PRKCI: variants seen among roughly 807,000 people sequenced by gnomAD.
The protein encoded by PRKCI is protein kinase C iota.
Under a neutral mutation model 84.0 loss-of-function variants are expected in PRKCI, and 43 were observed. The ratio of observed to expected loss-of-function variants is 0.51; its 90% CI spans 0.40 to 0.66. The LOEUF (loss-of-function observed/expected upper bound fraction) is 0.66. Among genes scored for constraint, PRKCI ranks in the 30% least tolerant of loss-of-function variants. The pLI is 0.00. For synonymous variants in PRKCI, 216 were observed against 234.4 expected (o/e 0.92, Z 0.72); for missense variants, 459 against 745.6 (o/e 0.62, Z 4.48).
intron 2 of PRKCI, among the ~76,000 whole-genome samples, chr3:170,249,274 G>A (rs1018273145): frequency 3.9e-5 from 6 of 151,922 alleles, no homozygotes; most frequent in African/African-American, 1.5e-4. Context: ...TGCTTTCTGG[G>A]ACATCAAAAT....
At chr3:170,224,280 G>A (rs1352937740) in intron 1 of PRKCI, among the ~76,000 whole-genome samples, 2 of 151,974 alleles carry the variant, frequency 1.3e-5, no homozygotes, top group African/African-American at 4.8e-5. Context: ...AGTTATATTG[G>A]ACAGTATGAT....
chr3:170,277,655 G>C (rs1461847032), intron 8 of PRKCI, among the ~76,000 whole-genome samples: 2 of 149,190 alleles, frequency 1.3e-5, no homozygotes, highest in African/African-American at 5.0e-5. Flanking sequence ...GACTGTACCA[G>C]TGCACTCCAG....
chr3:170,281,400 A>G (rs1734240878), intron 10 of PRKCI, 137 bp downstream of exon 10: 5 of 646,458 alleles, frequency 7.7e-6, no homozygotes, highest in Non-Finnish European at 1.3e-5. Context: ...ACTTCCTGCT[A>G]ATAATACTGC....
chr3:170,271,375 C>T (rs1734001713), intron 6 of PRKCI, among the ~76,000 whole-genome samples: 1 of 152,078 alleles, frequency 6.6e-6, no homozygotes, highest in Non-Finnish European at 1.5e-5. Context: ...CAGTATGTAC[C>T]TCTAAAAGAG....
At position 170,222,629 on chromosome 3, in the gene PRKCI, C is replaced by A; in HGVS notation, c.-41C>A. Reference sequence around the variant, plus strand: ...CCCCACGGCGCCCGAAGCGCCCCCCCGCACCCCCGGCCTCCAGCGTTGAGG... The same window carrying A: ...CCCCACGGCGCCCGAAGCGCCCCCCAGCACCCCCGGCCTCCAGCGTTGAGG... On this transcript the variant is annotated 5_prime_UTR_variant, in exon 1 of 18. Coordinates refer to ENST00000295797, the MANE Select transcript of PRKCI (RefSeq NM_002740.6). The A allele has an allele frequency of 6.7e-7, 1 of 1,502,494 alleles. No individual in the cohort carries two copies. The highest frequency in any genetic ancestry group is 1.2e-5 in the South Asian group (1 of 80,014). 93.1% of individuals were successfully genotyped at this position (1,502,494 alleles called of 1,614,324 possible). A position where few individuals can be genotyped will look rare whatever the true frequency, so the allele number is the denominator to read the frequency against.
chr3:170,296,099 C>G, intron 15 of PRKCI, 109 bp downstream of exon 15: 1 of 561,698 alleles, frequency 1.8e-6, no homozygotes, highest in Admixed American at 3.5e-5. Context: ...GAGAATGTAA[C>G]TTTTTCAGTT....
At chr3:170,247,730 CAAAAAAAAA>C (rs72411481) in intron 2 of PRKCI, among the ~76,000 whole-genome samples, 92 of 27,906 alleles carry the variant, frequency 3.3e-3, no homozygotes, top group African/African-American at 0.012. Context: ...AACTCTGTCT[CAAAAAAAAA>C]AAAAAAAAAA....
intron 2 of PRKCI, among the ~76,000 whole-genome samples, chr3:170,254,023 G>A (rs752623962): frequency 6.6e-6 from 1 of 151,636 alleles, no homozygotes; most frequent in Non-Finnish European, 1.5e-5. Flanking sequence ...CTTGAACCCA[G>A]GAGGCAGAGG....
At chr3:170,259,906 G>T (rs2108848363) in intron 2 of PRKCI, 63 bp from the exon 3 acceptor site, 1 of 869,938 alleles carries the variant, frequency 1.1e-6, no homozygotes, top group East Asian at 2.7e-5. Context: ...TATGAAATTT[G>T]TTTAGTAATC....
chr3:170,260,081 C>T (rs1235596041), intron 3 of PRKCI, 23 bp downstream of exon 3: 3 of 1,395,696 alleles, frequency 2.1e-6, no homozygotes, highest in East Asian at 4.6e-5. Flanking sequence ...TCATTTCATA[C>T]TCGTCCAGAC....
chr3:170,298,959 T>C (rs1182650371), intron 16 of PRKCI, 36 bp from the exon 17 acceptor site: 1 of 1,411,228 alleles, frequency 7.1e-7, no homozygotes, highest in Non-Finnish European at 1.0e-6. Flanking sequence ...TTTCTAAGAA[T>C]ACAGACTTGA....
At chr3:170,280,427 T>G (rs745612861) in intron 9 of PRKCI, 24 bp downstream of exon 9, 9 of 1,567,560 alleles carry the variant, frequency 5.7e-6, no homozygotes, top group Non-Finnish European at 6.0e-6. Flanking sequence ...ATTTTATTGC[T>G]TCTAAACTGC....
Position 170,291,927 on chromosome 3 carries a change from G to A in PRKCI, c.1277G>A (p.Arg426Lys). ...TPNYIAPEIL[R>K]GEDYGFSVDW... ...AATTACATTGCTCCTGAAATTTTAA[G>A]AGGAGAAGATTATGGTAATAAATAA... The change falls in exon 13 of 18, where the codon AGA becomes AAA. Residue 426 changes from arginine (R) to lysine (K), a missense_variant. This residue lies in a region of PRKCI where 209 missense variants were observed against 425.9 expected (regional missense o/e 0.49). Coordinates refer to ENST00000295797, the MANE Select transcript of PRKCI (RefSeq NM_002740.6). 2 of 1,594,818 alleles carry A rather than the reference G, an allele frequency of 1.3e-6. No individual in the cohort carries two copies. The highest frequency in any genetic ancestry group is 1.7e-6 in the Non-Finnish European group (2 of 1,162,600).
chr3:170,251,342 G>C (rs1345901544), intron 2 of PRKCI, among the ~76,000 whole-genome samples: 1 of 152,134 alleles, frequency 6.6e-6, no homozygotes, highest in Non-Finnish European at 1.5e-5. Flanking sequence ...GAAAAAGAAA[G>C]TTTGGAAAGA....
At chr3:170,284,895 A>G (rs916536147) in intron 12 of PRKCI, among the ~76,000 whole-genome samples, 2 of 152,168 alleles carry the variant, frequency 1.3e-5, no homozygotes, top group African/African-American at 2.4e-5. Context: ...CAATTCCACT[A>G]CTTAACACAA....
intron 1 of PRKCI, among the ~76,000 whole-genome samples, chr3:170,223,426 G>T (rs1167077978): frequency 6.6e-6 from 1 of 152,160 alleles, no homozygotes; most frequent in East Asian, 1.9e-4. Flanking sequence ...TCTCAGTGTT[G>T]TTTCAACGAC....
intron 2 of PRKCI, among the ~76,000 whole-genome samples, chr3:170,247,055 G>A (rs1474331056): frequency 6.9e-6 from 1 of 144,278 alleles, no homozygotes; most frequent in Non-Finnish European, 1.5e-5. Context: ...GCATCTCTTT[G>A]GCTGCTTTTA....
At chr3:170,277,340 G>A (rs6794903) in intron 8 of PRKCI, among the ~76,000 whole-genome samples, 12,350 of 151,774 alleles carry the variant, frequency 0.081, 1,206 homozygotes, top group African/African-American at 0.23. Flanking sequence ...ACCACTCATC[G>A]TCACTAATTA....
chr3:170,250,156 C>T (rs771654487), intron 2 of PRKCI, among the ~76,000 whole-genome samples: 1 of 151,532 alleles, frequency 6.6e-6, no homozygotes, highest in East Asian at 1.9e-4. Flanking sequence ...ACCTGTAATC[C>T]CAGCTACTAG....
Sources: allele counts gnomAD v4.1 joint callset (sites outside exome capture counted in the v4.1 genomes callset), GRCh38; gene constraint gnomAD v4.1.1; regional missense constraint gnomAD v4.1.1; transcripts MANE v1.5; gene names NCBI Gene and HGNC (gene_info 2026-07-23, HGNC 2026-07-21).